Variants in SLC1A2 observed in about 807,000 individuals in gnomAD.
The protein encoded by SLC1A2 is excitatory amino acid transporter 2.
In SLC1A2, 15 loss-of-function variants were observed where a neutral mutation model predicts 48.8. The ratio of observed to expected loss-of-function variants is 0.31; its 90% CI spans 0.21 to 0.47. The LOEUF is 0.47. SLC1A2 is among the 20% of genes least tolerant of loss of function. SLC1A2 has a pLI of 0.99. For missense variants in SLC1A2, 502 were observed against 730.5 expected, an observed-to-expected ratio of 0.69 and a Z score of 3.61; for synonymous variants, 279 against 272.6, an observed-to-expected ratio of 1.02 and a Z score of -0.23.
At chr11:35,405,921 ACCTGTT>A in intron 1 of SLC1A2, among the ~76,000 whole-genome samples, 1 of 152,250 alleles carries the variant, frequency 6.6e-6, no homozygotes, top group East Asian at 1.9e-4. Context: ...TGCCTCCCAC[ACCTGTT>A]CCCTTCTGTC....
chr11:35,384,539 A>C (rs1854527345), intron 1 of SLC1A2, among the ~76,000 whole-genome samples: 1 of 152,248 alleles, frequency 6.6e-6, no homozygotes, highest in African/African-American at 2.4e-5. Context: ...AGATTTAAGA[A>C]TCCTTAATGA....
chr11:35,316,741 A>T (rs370646812), intron 2 of SLC1A2: 1 of 152,272 alleles, frequency 6.6e-6, no homozygotes, highest in Non-Finnish European at 1.5e-5. Flanking sequence ...CCCATTTTCA[A>T]TAAACCCTCA....
intron 1 of SLC1A2, among the ~76,000 whole-genome samples, chr11:35,411,864 G>A (rs188940022): frequency 1.1e-3 from 160 of 151,930 alleles, no homozygotes; most frequent in Non-Finnish European, 1.6e-3. Context: ...CTTTTGAATG[G>A]CACATCTCCA....
intron 1 of SLC1A2, chr11:35,322,566 C>G: frequency 6.6e-7 from 1 of 1,524,626 alleles, no homozygotes; most frequent in African/African-American, 1.4e-5. Context: ...CCCACCTGTC[C>G]TTCCACTGCT....
chr11:35,405,722 T>C (rs1476210154), intron 1 of SLC1A2, among the ~76,000 whole-genome samples: 2 of 152,232 alleles, frequency 1.3e-5, no homozygotes, highest in Non-Finnish European at 2.9e-5. Flanking sequence ...AATACATTTT[T>C]GGCTTCACAA....
Position 35,394,298 on chromosome 11 carries a change from A to G in SLC1A2, c.17+24652T>C, listed in dbSNP as rs146133055. On this transcript the variant is annotated intron_variant, in intron 1 of 10. Coordinates refer to ENST00000278379, the MANE Select transcript of SLC1A2 (RefSeq NM_004171.4). ...AAAGACACATCAAAACGGGTCTCCA[A>G]AGCCTCAACCTGCTGCTCAGTCACC... is the stretch of plus-strand genomic sequence containing the variant. Among the ~76,000 whole-genome samples the G allele has an allele frequency of 7.9e-5, 12 of 152,074 alleles. No homozygotes were observed. The East Asian group carries it at 2.3e-3, about 29-fold the overall frequency.
chr11:35,352,263 C>G (rs1853287752), intron 1 of SLC1A2: 1 of 152,244 alleles, frequency 6.6e-6, no homozygotes, highest in African/African-American at 2.4e-5. Context: ...GAATCTCAAA[C>G]TTCATCTAGT....
intron 1 of SLC1A2, among the ~76,000 whole-genome samples, chr11:35,325,213 T>C (rs1852201098): frequency 1.3e-5 from 2 of 152,198 alleles, no homozygotes; most frequent in African/African-American, 4.8e-5. Flanking sequence ...AGCTAAAACA[T>C]CCTCTACCCA....
intron 5 of SLC1A2, among the ~76,000 whole-genome samples, chr11:35,304,159 G>C (rs1288589834): frequency 6.6e-6 from 1 of 152,044 alleles, no homozygotes; most frequent in East Asian, 1.9e-4. Context: ...TGGCCGCTGG[G>C]GTTACAGAGT....
chr11:35,261,876 A>G, intron 10 of SLC1A2: 1 of 396,572 alleles, frequency 2.5e-6, no homozygotes, highest in Non-Finnish European at 4.4e-6. Context: ...GGAACAGAAA[A>G]CCAAGTGCCC....
intron 1 of SLC1A2, among the ~76,000 whole-genome samples, chr11:35,382,567 G>T (rs974570847): frequency 6.6e-6 from 1 of 152,204 alleles, no homozygotes; most frequent in Non-Finnish European, 1.5e-5. Context: ...AGGCCGAGGT[G>T]GGTGGATCAC....
chr11:35,380,034 A>G (rs111646590), intron 1 of SLC1A2, among the ~76,000 whole-genome samples: 3,187 of 152,338 alleles, frequency 0.021, 113 homozygotes, highest in African/African-American at 0.073. Flanking sequence ...TGTCCCAGGC[A>G]ATCTATAAAA....
intron 1 of SLC1A2, among the ~76,000 whole-genome samples, chr11:35,376,739 A>G (rs532491346): frequency 1.3e-5 from 2 of 152,312 alleles, no homozygotes; most frequent in Admixed American, 1.3e-4. Context: ...CAATGGTTAC[A>G]TTTAGACACC....
chr11:35,357,297 C>T (rs1590224042), intron 1 of SLC1A2, among the ~76,000 whole-genome samples: 1 of 150,524 alleles, frequency 6.6e-6, no homozygotes, highest in East Asian at 1.9e-4. Context: ...AAAGCAAATT[C>T]AAATCCATTA....
chr11:35,318,630 G>A (rs1851958366), intron 1 of SLC1A2, among the ~76,000 whole-genome samples: 1 of 152,184 alleles, frequency 6.6e-6, no homozygotes, highest in Admixed American at 6.5e-5. Flanking sequence ...AATAGTGTGG[G>A]TTTTGGAGTC....
chr11:35,400,716 T>C (rs555999294), intron 1 of SLC1A2, among the ~76,000 whole-genome samples: 1 of 152,318 alleles, frequency 6.6e-6, no homozygotes, highest in Admixed American at 6.5e-5. Flanking sequence ...TCTAACTACT[T>C]GATTCTCCTG....
chr11:35,379,425 T>A (rs1053420384), intron 1 of SLC1A2, among the ~76,000 whole-genome samples: 7 of 152,212 alleles, frequency 4.6e-5, no homozygotes, highest in African/African-American at 1.2e-4. Flanking sequence ...GACTTTTTTT[T>A]AAGCCAGACA....
intron 1 of SLC1A2, among the ~76,000 whole-genome samples, chr11:35,381,084 C>T (rs1353843424): frequency 6.6e-6 from 1 of 152,156 alleles, no homozygotes; most frequent in Non-Finnish European, 1.5e-5. Context: ...GCAGTAGCCA[C>T]ATATATTTTC....
At chr11:35,292,100 C>A in intron 7 of SLC1A2, 187 bp downstream of exon 7, 2 of 586,110 alleles carry the variant, frequency 3.4e-6, no homozygotes, top group Admixed American at 3.3e-5. Flanking sequence ...CAAAAATGTT[C>A]ACCAGAAGGC....
Sources: gnomAD v4.1 joint callset for allele counts (sites outside exome capture counted in the v4.1 genomes callset) on GRCh38, gnomAD v4.1.1 for gene constraint, MANE v1.5 for transcripts, NCBI Gene and HGNC (gene_info 2026-07-23, HGNC 2026-07-21) for gene names.